Variants in TBL1XR1 observed in about 807,000 individuals in gnomAD.
TBL1XR1 encodes the protein F-box-like/WD repeat-containing protein TBL1XR1.
In TBL1XR1, 5 loss-of-function variants were observed where a neutral mutation model predicts 66.9. The observed-to-expected ratio is 0.07, with a 90% CI of 0.04 to 0.16. The LOEUF (loss-of-function observed/expected upper bound fraction) is 0.16, where lower values mean the gene tolerates loss of function less well. Among genes scored for constraint, TBL1XR1 ranks in the 10% least tolerant of loss-of-function variants. The probability of loss-of-function intolerance (pLI) is 1.00; values close to 1 mark genes in which losing one functional copy is unlikely to be tolerated. For missense variants in TBL1XR1, 238 were observed against 623.2 expected, an observed-to-expected ratio of 0.38 and a Z score of 6.58; for synonymous variants, 210 against 206.0, an observed-to-expected ratio of 1.02 and a Z score of -0.17.
chr3:177,130,780 T>C (rs1285708829), intron 1 of TBL1XR1, among the ~76,000 whole-genome samples: 2 of 152,172 alleles, frequency 1.3e-5, no homozygotes, highest in Admixed American at 6.5e-5. Flanking sequence ...ACTAAAACAA[T>C]TGTTAACTCC....
At chr3:177,159,693 T>G (rs1731940341) in intron 1 of TBL1XR1, among the ~76,000 whole-genome samples, 1 of 152,194 alleles carries the variant, frequency 6.6e-6, no homozygotes, top group Non-Finnish European at 1.5e-5. Flanking sequence ...TAATCAGCGT[T>G]AAGTGTTACA....
intron 3 of TBL1XR1, among the ~76,000 whole-genome samples, chr3:177,059,715 A>G (rs917588076): frequency 6.6e-6 from 1 of 152,114 alleles, no homozygotes; most frequent in Admixed American, 6.6e-5. Context: ...TAATATTGTC[A>G]ACTTGATTGG....
chr3:177,162,235 A>G (rs1732301402), intron 1 of TBL1XR1, among the ~76,000 whole-genome samples: 1 of 152,214 alleles, frequency 6.6e-6, no homozygotes, highest in East Asian at 1.9e-4. Context: ...GTGTGTATCA[A>G]TGAAAAAGAA....
At chr3:177,036,652 A>G (rs145638829) in intron 12 of TBL1XR1, among the ~76,000 whole-genome samples, 1 of 152,352 alleles carries the variant, frequency 6.6e-6, no homozygotes, top group Non-Finnish European at 1.5e-5. Context: ...AAAGCCAAAG[A>G]TGAAAGCATT....
chr3:177,098,813 G>A (rs1723827814), intron 1 of TBL1XR1, among the ~76,000 whole-genome samples: 1 of 152,002 alleles, frequency 6.6e-6, no homozygotes, highest in Admixed American at 6.6e-5. Context: ...TCACCACCAG[G>A]CAACTCAACT....
chr3:177,066,588 G>A (rs576253286), intron 2 of TBL1XR1, among the ~76,000 whole-genome samples: 1 of 152,294 alleles, frequency 6.6e-6, no homozygotes, highest in South Asian at 2.1e-4. Flanking sequence ...TTCAGGAAGA[G>A]CAGGGAAAAG....
chr3:177,174,785 C>CCT (rs1733968716), intron 1 of TBL1XR1, among the ~76,000 whole-genome samples: 1 of 152,154 alleles, frequency 6.6e-6, no homozygotes, highest in Admixed American at 6.6e-5. Flanking sequence ...AAGGCCCTTC[C>CCT]CTCCCAAATC....
intron 7 of TBL1XR1, chr3:177,048,057 C>T (rs186880377): frequency 2.0e-5 from 3 of 152,690 alleles, no homozygotes; most frequent in African/African-American, 7.2e-5. Flanking sequence ...TTCTTAAATA[C>T]TTGAATGTTC....
intron 1 of TBL1XR1, chr3:177,131,352 A>T: frequency 1.0e-6 from 1 of 985,386 alleles, no homozygotes; most frequent in Non-Finnish European, 1.2e-6. Flanking sequence ...GGGAAAGAGA[A>T]TCACACTCAC....
chr3:177,038,460 G>C (rs762131931), intron 10 of TBL1XR1, 26 bp from the exon 11 acceptor site: 18 of 1,482,224 alleles, frequency 1.2e-5, no homozygotes, highest in Admixed American at 2.5e-5. Context: ...GGTTAGATTT[G>C]CTTTTATTCC....
At chr3:177,096,925 G>C (rs1723570246) in intron 2 of TBL1XR1, among the ~76,000 whole-genome samples, 2 of 152,122 alleles carry the variant, frequency 1.3e-5, no homozygotes, top group Non-Finnish European at 2.9e-5. Flanking sequence ...AGAGAAAAGA[G>C]AAAGGAGAGA....
chr3:177,028,703 TAAAC>T (rs931460002), intron 14 of TBL1XR1, among the ~76,000 whole-genome samples: 25 of 152,132 alleles, frequency 1.6e-4, no homozygotes, highest in African/African-American at 5.8e-4. Flanking sequence ...AAGGCACTCA[TAAAC>T]AAAATCCAAA....
intron 1 of TBL1XR1, among the ~76,000 whole-genome samples, chr3:177,169,801 T>A (rs542146844): frequency 1.1e-4 from 17 of 152,298 alleles, no homozygotes; most frequent in African/African-American, 3.8e-4. Context: ...AACAAAAAGA[T>A]CAGGAGATGA....
At chr3:177,175,572 T>TA (rs1665159058) in intron 1 of TBL1XR1, among the ~76,000 whole-genome samples, 1 of 152,328 alleles carries the variant, frequency 6.6e-6, no homozygotes, top group East Asian at 1.9e-4. Flanking sequence ...TGAACACACT[T>TA]AATTTTTTAA....
Position 177,180,065 on chromosome 3 carries a change from T to C in TBL1XR1, c.-122+17056A>G, listed in dbSNP as rs539814857. 6.7e-4 allele frequency among the ~76,000 whole-genome samples: 102 copies of C among 151,816 alleles called. 1 individual carries two copies. The highest frequency in any genetic ancestry group is 2.3e-3 in the African/African-American group (97 of 41,428). Reference sequence around the variant, plus strand: ...CATCCTGGCCAACATGGTGAAACCCTATCTCTACTAAAATACAAAAAATTA... The same window carrying C: ...CATCCTGGCCAACATGGTGAAACCCCATCTCTACTAAAATACAAAAAATTA... On this transcript the variant is annotated intron_variant, in intron 1 of 15. Coordinates refer to ENST00000457928, the MANE Select transcript of TBL1XR1 (RefSeq NM_024665.7).
intron 1 of TBL1XR1, among the ~76,000 whole-genome samples, chr3:177,166,671 G>C (rs928904810): frequency 6.6e-6 from 1 of 152,168 alleles, no homozygotes; most frequent in African/African-American, 2.4e-5. Flanking sequence ...CAGCCATGCA[G>C]AACTGTGAGT....
chr3:177,077,217 A>C (rs576923134), intron 2 of TBL1XR1, among the ~76,000 whole-genome samples: 2 of 152,358 alleles, frequency 1.3e-5, no homozygotes, highest in African/African-American at 4.8e-5. Context: ...CTAAGAACTA[A>C]AAAGAACCAC....
At chr3:177,074,433 G>A (rs115632849) in intron 2 of TBL1XR1, among the ~76,000 whole-genome samples, 136 of 152,210 alleles carry the variant, frequency 8.9e-4, no homozygotes, top group African/African-American at 3.2e-3. Context: ...CTAAGCCTAG[G>A]GAAAAATGTG....
chr3:177,087,945 T>C (rs974101186), intron 2 of TBL1XR1, among the ~76,000 whole-genome samples: 2 of 152,088 alleles, frequency 1.3e-5, no homozygotes, highest in African/African-American at 4.8e-5. Context: ...CCAGATAATA[T>C]TCAGTGATAG....
Sources: allele counts gnomAD v4.1 joint callset (sites outside exome capture counted in the v4.1 genomes callset), GRCh38; gene constraint gnomAD v4.1.1; transcripts MANE v1.5; gene names NCBI Gene and HGNC (gene_info 2026-07-23, HGNC 2026-07-21).